Variants in PTCD3 observed in about 807,000 individuals in gnomAD.
PTCD3 encodes the protein pentatricopeptide repeat domain 3, also known as small ribosomal subunit protein mS39.
Under a neutral mutation model 101.9 loss-of-function variants are expected in PTCD3, and 89 were observed. The ratio of observed to expected loss-of-function variants is 0.87; its 90% CI spans 0.74 to 1.04. PTCD3 has a LOEUF of 1.04. Among genes scored for constraint, PTCD3 ranks in the 50% least tolerant of loss-of-function variants. PTCD3 has a pLI of 0.00. For synonymous variants in PTCD3, 296 were observed against 278.5 expected (o/e 1.06, Z -0.63); for missense variants, 870 against 828.2 (o/e 1.05, Z -0.62).
At chr2:86,106,811 A>G (rs1673962279) in intron 1 of PTCD3, among the ~76,000 whole-genome samples, 1 of 152,254 alleles carries the variant, frequency 6.6e-6, no homozygotes, top group South Asian at 2.1e-4. Context: ...AGAAAAGTCT[A>G]AAAGATCTGA....
At chr2:86,124,855 A>G (rs1432679079) in intron 9 of PTCD3, 140 bp from the exon 10 acceptor site, 14 of 1,259,688 alleles carry the variant, frequency 1.1e-5, no homozygotes, top group African/African-American at 1.5e-5. Flanking sequence ...GATAATAACC[A>G]TAATACCCTG....
chr2:86,125,206 T>C (rs937303787), intron 10 of PTCD3, 124 bp downstream of exon 10: 1 of 1,443,072 alleles, frequency 6.9e-7, no homozygotes, highest in Non-Finnish European at 9.2e-7. Context: ...TGTAGGATGT[T>C]AGTAGCTCCC....
chr2:86,123,474 G>A (rs76515859), intron 8 of PTCD3, among the ~76,000 whole-genome samples: 4,764 of 152,180 alleles, frequency 0.031, 168 homozygotes, highest in East Asian at 0.18. Context: ...TTGTCTCCAC[G>A]CTGTCACTTG....
In PTCD3 at chr2:86,108,397, T is replaced by TA. The variant is rs760431579; in HGVS notation, c.154dup (p.Thr52AsnfsTer4). 32 of 1,606,260 alleles carry TA rather than the reference T, an allele frequency of 2.0e-5. No homozygotes were observed. The highest frequency in any genetic ancestry group is 2.7e-5 in the Non-Finnish European group (32 of 1,177,424). ...CTCTCAAAGGTTGAAGGAACTGATG[T>TA]AACAGGTATATTTTAAAATATATTG... On this transcript the variant is annotated frameshift_variant, in exon 2 of 24. Coordinates refer to ENST00000254630, the MANE Select transcript of PTCD3 (RefSeq NM_017952.6). LOFTEE classifies it high-confidence loss of function.
At chr2:86,127,137 ACTT>A (rs1674410446) in intron 12 of PTCD3, 21 bp from the exon 13 acceptor site, 3 of 1,590,504 alleles carry the variant, frequency 1.9e-6, no homozygotes, top group African/African-American at 2.7e-5. Context: ...CATGAAAGAT[ACTT>A]CTTGTTTTTT....
intron 3 of PTCD3, among the ~76,000 whole-genome samples, chr2:86,110,346 CT>C (rs1674053962): frequency 6.6e-6 from 1 of 152,064 alleles, no homozygotes; most frequent in Admixed American, 6.6e-5. Context: ...ATTTCCTGTA[CT>C]TTTGTTTTTC....
Position 86,127,256 on chromosome 2 carries a change from A to G in PTCD3, c.1047A>G (p.Ala349=), listed in dbSNP as rs573765479. ...LKCLRRFHVF[A]RSPALQVLRE... The stretch of plus-strand genomic sequence containing the variant: ...GTCTCCGAAGATTTCATGTGTTTGC[A>G]AGATCGCCAGCCTTACAGGTTTTAC... The change falls in exon 13 of 24, where the codon GCA becomes GCG. Residue 349 remains alanine, a synonymous_variant. Transcript: ENST00000254630. The G allele has an allele frequency of 6.2e-7, 1 of 1,614,176 alleles. No individual in the cohort carries two copies. Among genetic ancestry groups the G allele is most frequent in the Admixed American group, 1.7e-5 (1 of 60,016 alleles).
intron 3 of PTCD3, chr2:86,110,905 A>G (rs1161469330): frequency 1.4e-6 from 1 of 737,734 alleles, no homozygotes; most frequent in African/African-American, 1.8e-5. Flanking sequence ...GCCAGAGAGG[A>G]CAGGCAAAGA....
chr2:86,108,704 G>A (rs1674014532), intron 3 of PTCD3, 168 bp downstream of exon 3: 1 of 563,962 alleles, frequency 1.8e-6, no homozygotes, highest in East Asian at 3.0e-5. Context: ...AAATGGAAAG[G>A]TGGAGAATAG....
At chr2:86,109,138 G>T (rs1388450229) in intron 3 of PTCD3, among the ~76,000 whole-genome samples, 1 of 152,208 alleles carries the variant, frequency 6.6e-6, no homozygotes, top group Non-Finnish European at 1.5e-5. Flanking sequence ...AGGCGCGGTG[G>T]CTTACGCCTG....
intron 4 of PTCD3, among the ~76,000 whole-genome samples, 158 bp from the exon 5 acceptor site, chr2:86,116,372 C>CA (rs1329325652): frequency 6.6e-6 from 1 of 152,112 alleles, no homozygotes; most frequent in African/African-American, 2.4e-5. Flanking sequence ...ACCCTCTCTG[C>CA]AAAAAATTTT....
chr2:86,135,235 A>C, intron 21 of PTCD3: 1 of 374,040 alleles, frequency 2.7e-6, no homozygotes, highest in Non-Finnish European at 4.8e-6. Context: ...ATGGACAAGT[A>C]AGTCACTTAA....
chr2:86,116,820 A>C (rs1558794937), intron 5 of PTCD3, among the ~76,000 whole-genome samples: 1 of 152,188 alleles, frequency 6.6e-6, no homozygotes, highest in Non-Finnish European at 1.5e-5. Context: ...TTCACACTGG[A>C]GTGACCCACT....
At position 86,141,074 on chromosome 2, in the gene PTCD3, T is replaced by G. The variant is rs1193776812; in HGVS notation, c.*3515T>G. 1.3e-5 allele frequency: 2 copies of G among 152,180 alleles called. No individual in the cohort carries two copies. The highest frequency in any genetic ancestry group is 3.8e-4 in the East Asian group (2 of 5,196). 9.4% of individuals were successfully genotyped at this position (152,180 alleles called of 1,614,324 possible). A position where few individuals can be genotyped will look rare whatever the true frequency, so the allele number is the denominator to read the frequency against. Reference sequence around the variant, plus strand: ...GACAGAATTTACTCCCAGGACAATCTAAGTTCTGCCACAAGTACCCGTGGT... The same window carrying G: ...GACAGAATTTACTCCCAGGACAATCGAAGTTCTGCCACAAGTACCCGTGGT... On this transcript the variant is annotated 3_prime_UTR_variant, in exon 24 of 24. Transcript: ENST00000254630.
At chr2:86,109,406 CA>C (rs5832671) in intron 3 of PTCD3, among the ~76,000 whole-genome samples, 30 of 142,346 alleles carry the variant, frequency 2.1e-4, no homozygotes, top group African/African-American at 2.6e-4. Flanking sequence ...GACTCCATCT[CA>C]AAAAAAAAAA....
chr2:86,118,610 A>G (rs751648472), intron 6 of PTCD3, among the ~76,000 whole-genome samples: 2 of 152,228 alleles, frequency 1.3e-5, no homozygotes, highest in African/African-American at 2.4e-5. Flanking sequence ...CCCAGTGCCA[A>G]GCTTAATGTC....
chr2:86,113,543 T>C (rs1055135236), intron 4 of PTCD3, among the ~76,000 whole-genome samples: 3 of 152,214 alleles, frequency 2.0e-5, no homozygotes, highest in Non-Finnish European at 4.4e-5. Flanking sequence ...TAGTGGCTCA[T>C]GCCTGTAATC....
intron 14 of PTCD3, among the ~76,000 whole-genome samples, chr2:86,129,801 A>G (rs1674463307): frequency 2.0e-5 from 3 of 152,228 alleles, no homozygotes; most frequent in Admixed American, 2.0e-4. Context: ...CTGTACTGTC[A>G]TTACAGCTTT....
chr2:86,140,367 A>G lies in PTCD3; in HGVS notation c.*2808A>G, dbSNP rs541258620. 9 of 152,246 alleles carry G rather than the reference A, an allele frequency of 5.9e-5. No homozygotes were observed. The highest frequency in any genetic ancestry group is 2.0e-4 in the Admixed American group (3 of 15,300). The allele number at this position is 152,246 out of a possible 1,614,324, so 9.4% of individuals were successfully genotyped here. A position where few individuals can be genotyped will look rare whatever the true frequency, so the allele number is the denominator to read the frequency against. On this transcript the variant is annotated 3_prime_UTR_variant, in exon 24 of 24. Transcript: ENST00000254630. ...AGACAGGGTAGCATTTGTCTTTCAA[A>G]CTGCAGGGTTTGAAATCAGTTTTTG... is the stretch of plus-strand genomic sequence containing the variant.
Sources: allele counts gnomAD v4.1 joint callset (sites outside exome capture counted in the v4.1 genomes callset), GRCh38; gene constraint gnomAD v4.1.1; transcripts MANE v1.5; gene names NCBI Gene and HGNC (gene_info 2026-07-23, HGNC 2026-07-21).